CD48: variants seen among roughly 807,000 people sequenced by gnomAD.
CD48 encodes the protein CD48 molecule, also known as CD48 antigen.
CD48 carries 20 observed loss-of-function variants against 22.0 expected under a neutral mutation model. The observed-to-expected ratio is 0.91, with a 90% CI of 0.64 to 1.32. The LOEUF is 1.32. Ranked by LOEUF, CD48 falls within the 40% of genes most tolerant of loss-of-function variation. The pLI is 0.00. For missense variants in CD48, 307 were observed against 286.5 expected, an observed-to-expected ratio of 1.07 and a Z score of -0.52; for synonymous variants, 110 against 110.1, an observed-to-expected ratio of 1.00 and a Z score of 0.01.
chr1:160,690,686 C>A (rs1020107830), intron 1 of CD48, among the ~76,000 whole-genome samples: 1 of 152,018 alleles, frequency 6.6e-6, no homozygotes, highest in Non-Finnish European at 1.5e-5. Flanking sequence ...CCTGTTGTAA[C>A]CTTGAAAATA....
chr1:160,697,163 G>T lies in CD48; in HGVS notation c.83-11974C>A, dbSNP rs115445541. Among the ~76,000 whole-genome samples the T allele has an allele frequency of 6.6e-3, 1,010 of 152,276 alleles. 10 individuals carry two copies. Among genetic ancestry groups the T allele is most frequent in the African/African-American group, 0.023 (954 of 41,538 alleles). ...TGAAGGAAAACTAATTTAGTGGAAA[G>T]ATAATTAAAATAAGACATGGGAAAT... is the stretch of plus-strand genomic sequence containing the variant. On this transcript the variant is annotated intron_variant, in intron 1 of 3. Transcript: ENST00000368046.
chr1:160,708,300 T>C (rs1312305461), intron 1 of CD48, among the ~76,000 whole-genome samples: 2 of 152,196 alleles, frequency 1.3e-5, no homozygotes, highest in Non-Finnish European at 2.9e-5. Flanking sequence ...ATGTGAACTT[T>C]AGGCTCACAG....
chr1:160,682,491 A>G (rs542327147), intron 2 of CD48, among the ~76,000 whole-genome samples: 1 of 145,488 alleles, frequency 6.9e-6, no homozygotes, highest in Non-Finnish European at 1.5e-5. Context: ...GAAAGGAAGA[A>G]AGAGAGAGAG....
chr1:160,701,497 G>T (rs546556578), intron 1 of CD48, among the ~76,000 whole-genome samples: 1 of 151,854 alleles, frequency 6.6e-6, no homozygotes, highest in African/African-American at 2.4e-5. Flanking sequence ...GTATGGCAGT[G>T]GCTGCCACTA....
At chr1:160,700,953 G>T (rs1331425699) in intron 1 of CD48, among the ~76,000 whole-genome samples, 1 of 151,938 alleles carries the variant, frequency 6.6e-6, no homozygotes, top group East Asian at 1.9e-4. Flanking sequence ...ATCAGTGGGG[G>T]CAGCAATTAA....
intron 1 of CD48, among the ~76,000 whole-genome samples, chr1:160,691,490 G>A (rs1662216001): frequency 1.3e-5 from 2 of 152,084 alleles, no homozygotes; most frequent in Non-Finnish European, 1.5e-5. Context: ...AAAGACCTTT[G>A]TTCACGTGTT....
At chr1:160,708,624 G>C (rs1294948954) in intron 1 of CD48, among the ~76,000 whole-genome samples, 3 of 152,278 alleles carry the variant, frequency 2.0e-5, no homozygotes, top group African/African-American at 7.2e-5. Flanking sequence ...AAGAAGCAAG[G>C]ATGACTCCTA....
chr1:160,708,775 A>G (rs1662864861), intron 1 of CD48, among the ~76,000 whole-genome samples: 1 of 152,148 alleles, frequency 6.6e-6, no homozygotes, highest in Non-Finnish European at 1.5e-5. Context: ...CTCTCATCAA[A>G]TGATGGACTT....
intron 1 of CD48, among the ~76,000 whole-genome samples, chr1:160,690,658 G>T (rs151066194): frequency 2.0e-5 from 3 of 152,148 alleles, no homozygotes; most frequent in African/African-American, 4.8e-5. Context: ...TAGGAAGGGT[G>T]TCTACACTGG....
chr1:160,680,902 C>T (rs1026190937), intron 3 of CD48: 2 of 1,414,860 alleles, frequency 1.4e-6, no homozygotes, highest in Non-Finnish European at 1.8e-6. Flanking sequence ...TCTATGATGA[C>T]CCTGGCCTCA....
rs1488702835 is a variant in CD48, at chr1:160,681,220, T to C, written c.634A>G (p.Ser212Gly). 8 of 1,614,066 alleles carry C rather than the reference T, an allele frequency of 5.0e-6. No individual in the cohort carries two copies. The East Asian group carries it at 1.8e-4, about 36-fold the overall frequency. The change falls in exon 3 of 4, where the codon AGT (serine) becomes GGT (glycine). Residue 212 changes from serine to glycine, a missense_variant. Transcript: ENST00000368046. ...VSSKNGTVCL[S>G]PPCTLARSFG... ...TTCTTACCCAGGGTACAGGGTGGAC[T>C]GAGGCAGACCGTGCCATTCTTGCTG...
chr1:160,694,392 C>T (rs1172221228), intron 1 of CD48, among the ~76,000 whole-genome samples: 1 of 151,846 alleles, frequency 6.6e-6, no homozygotes, highest in African/African-American at 2.4e-5. Context: ...TCTATCATTG[C>T]TTTAAATCAG....
rs192177879 is a variant in CD48, at chr1:160,693,914, C to A, written c.83-8725G>T. On this transcript the variant is annotated intron_variant, in intron 1 of 3. Transcript: ENST00000368046. ...AGGGAATAAGCCAGTTACCACAGTA[C>A]AACAATTGTCCCCCGCCACAAGTGG... is the stretch of plus-strand genomic sequence containing the variant. Among the ~76,000 whole-genome samples the A allele has an allele frequency of 1.5e-4, 23 of 152,396 alleles. No homozygotes were observed. The East Asian group carries it at 4.4e-3, about 29-fold the overall frequency.
At chr1:160,686,203 G>T (rs1661994052) in intron 1 of CD48, among the ~76,000 whole-genome samples, 1 of 152,106 alleles carries the variant, frequency 6.6e-6, no homozygotes, top group African/African-American at 2.4e-5. Context: ...GGCTTCTATG[G>T]CCCACCTTGG....
intron 2 of CD48, chr1:160,684,171 C>T (rs1488768915): frequency 6.6e-6 from 1 of 152,288 alleles, no homozygotes; most frequent in South Asian, 2.1e-4. Flanking sequence ...CCCTTAAGCC[C>T]TTCCTAGCTC....
At chr1:160,710,535 G>C (rs1407684858) in intron 1 of CD48, among the ~76,000 whole-genome samples, 1 of 152,152 alleles carries the variant, frequency 6.6e-6, no homozygotes, top group Non-Finnish European at 1.5e-5. Context: ...GTCAGAGAAA[G>C]GTCAACTGTC....
At chr1:160,709,657 T>C (rs1429746379) in intron 1 of CD48, among the ~76,000 whole-genome samples, 1 of 152,152 alleles carries the variant, frequency 6.6e-6, no homozygotes, top group Non-Finnish European at 1.5e-5. Flanking sequence ...AGAAGAGAGC[T>C]AAGAGTGCTT....
intron 1 of CD48, among the ~76,000 whole-genome samples, chr1:160,691,132 T>TC (rs1319042784): frequency 1.3e-5 from 2 of 152,114 alleles, no homozygotes; most frequent in African/African-American, 2.4e-5. Flanking sequence ...CCAAGGTTTC[T>TC]CCCCATGTGA....
intron 1 of CD48, among the ~76,000 whole-genome samples, chr1:160,704,887 A>G (rs545199441): frequency 2.0e-5 from 3 of 152,336 alleles, no homozygotes; most frequent in Admixed American, 2.0e-4. Flanking sequence ...GATGATAAGG[A>G]CAAAGTACAA....
Sources: gnomAD v4.1 joint callset for allele counts (sites outside exome capture counted in the v4.1 genomes callset) on GRCh38, gnomAD v4.1.1 for gene constraint, MANE v1.5 for transcripts, NCBI Gene and HGNC (gene_info 2026-07-23, HGNC 2026-07-21) for gene names.